MCF2L: variants seen among roughly 807,000 people sequenced by gnomAD.
MCF2L encodes MCF.2 cell line derived transforming sequence like, also known as guanine nucleotide exchange factor DBS.
In MCF2L, 97 loss-of-function variants were observed where a neutral mutation model predicts 153.4. The observed-to-expected ratio is 0.63, with a 90% CI of 0.54 to 0.75. The LOEUF is 0.75. MCF2L is among the 30% of genes least tolerant of loss of function. MCF2L has a pLI of 0.00. For missense variants in MCF2L, 1,347 were observed against 1,495.2 expected, an observed-to-expected ratio of 0.90 and a Z score of 1.64; for synonymous variants, 659 against 632.2, an observed-to-expected ratio of 1.04 and a Z score of -0.64.
At chr13:112,934,342 G>A (rs1372907442) in intron 2 of MCF2L, among the ~76,000 whole-genome samples, 1 of 152,254 alleles carries the variant, frequency 6.6e-6, no homozygotes, top group African/African-American at 2.4e-5. Flanking sequence ...CCTGAGCCAG[G>A]CATGTGGTCT....
chr13:113,096,329 C>A, intron 27 of MCF2L, 42 bp from the exon 28 acceptor site: 1 of 1,437,340 alleles, frequency 7.0e-7, no homozygotes, highest in Non-Finnish European at 9.6e-7. Context: ...GCTGCCGGGG[C>A]GGGTGCTGAC....
intron 18 of MCF2L, among the ~76,000 whole-genome samples, chr13:113,084,340 G>T (rs914742701): frequency 1.3e-5 from 2 of 150,410 alleles, no homozygotes; most frequent in African/African-American, 2.5e-5. Flanking sequence ...AGAACCTCCT[G>T]AACCCCAGAA....
At chr13:112,940,231 T>A (rs1049235148) in intron 2 of MCF2L, among the ~76,000 whole-genome samples, 2 of 152,230 alleles carry the variant, frequency 1.3e-5, no homozygotes, top group Non-Finnish European at 2.9e-5. Context: ...TTCATGTAAA[T>A]CTGTGTTTTA....
intron 2 of MCF2L, among the ~76,000 whole-genome samples, chr13:113,022,803 C>T (rs557620197): frequency 3.3e-4 from 51 of 152,388 alleles, no homozygotes; most frequent in Non-Finnish European, 5.9e-4. Flanking sequence ...GCTTGTCGTA[C>T]TCGCACAGGA....
chr13:112,937,424 G>C (rs1054072255), intron 2 of MCF2L, among the ~76,000 whole-genome samples: 5 of 152,132 alleles, frequency 3.3e-5, no homozygotes, highest in African/African-American at 1.2e-4. Flanking sequence ...TTAATATATT[G>C]TTTATAAGCC....
chr13:113,048,433 C>T (rs4907480), intron 4 of MCF2L, among the ~76,000 whole-genome samples: 64,741 of 144,700 alleles, frequency 0.45, 15,245 homozygotes, highest in South Asian at 0.56. Context: ...TAATAATTTA[C>T]GGTCTTTTTT....
chr13:113,003,030 G>A (rs1342862197), intron 1 of MCF2L, among the ~76,000 whole-genome samples: 1 of 151,478 alleles, frequency 6.6e-6, no homozygotes, highest in East Asian at 1.9e-4. Context: ...AAATTAATAG[G>A]CTGGGTGTGG....
intron 2 of MCF2L, chr13:112,957,386 G>A (rs374959940): frequency 4.6e-5 from 7 of 152,250 alleles, no homozygotes; most frequent in African/African-American, 1.7e-4. Flanking sequence ...TAGAGGCTTT[G>A]GACTTTTTGG....
At chr13:113,004,733 C>G (rs896492721) in intron 1 of MCF2L, among the ~76,000 whole-genome samples, 1 of 152,254 alleles carries the variant, frequency 6.6e-6, no homozygotes, top group Non-Finnish European at 1.5e-5. Flanking sequence ...CAGTGAGTGT[C>G]TTTCCTGTGG....
chr13:112,921,836 A>G (rs1410055125), intron 2 of MCF2L, among the ~76,000 whole-genome samples: 1 of 152,238 alleles, frequency 6.6e-6, no homozygotes, highest in Non-Finnish European at 1.5e-5. Flanking sequence ...CACACAACTT[A>G]GCAAATCTAT....
upstream of MCF2L, chr13:112,968,561 C>T: frequency 1.3e-6 from 2 of 1,544,480 alleles, no homozygotes; most frequent in Non-Finnish European, 1.7e-6. Context: ...AGGGGCTGGT[C>T]CATCCCCGGC....
intron 2 of MCF2L, among the ~76,000 whole-genome samples, chr13:112,915,425 A>AAAAAAAAAAAAAAAAAAAAAAAAAC (rs2081282349): frequency 6.7e-6 from 1 of 149,870 alleles, no homozygotes; most frequent in African/African-American, 2.5e-5. Flanking sequence ...AAAAAAAAAA[A>AAAAAAAAAAAAAAAAAAAAAAAAAC]TCCATCCTCA....
In MCF2L at chr13:113,046,508, G is replaced by T. The variant is rs1194426134; in HGVS notation, c.369+1147G>T. 3.8e-6 allele frequency: 2 copies of T among 529,024 alleles called. No homozygotes were observed. The highest frequency in any genetic ancestry group is 7.7e-6 in the Non-Finnish European group (2 of 258,320). 32.8% of individuals were successfully genotyped at this position (529,024 alleles called of 1,614,324 possible). ...CCTTTGGGTTCCCCAGCCTCTCGGT[G>T]GCTGCTGGCTGGTGCGCCAAGGTTT... is the stretch of plus-strand genomic sequence containing the variant. On this transcript the variant is annotated intron_variant, in intron 4 of 29. Coordinates refer to ENST00000535094, the MANE Select transcript of MCF2L (RefSeq NM_001112732.3). The surrounding 1 kb of genome is among the most constrained non-coding windows in gnomAD (Gnocchi z 4.4).
chr13:113,051,933 G>A (rs1341043524), intron 4 of MCF2L, among the ~76,000 whole-genome samples: 1 of 152,090 alleles, frequency 6.6e-6, no homozygotes, highest in Non-Finnish European at 1.5e-5. Flanking sequence ...GGGTGGGGCC[G>A]TCCTGACCCA....
intron 2 of MCF2L, among the ~76,000 whole-genome samples, chr13:112,929,668 G>T (rs1183893529): frequency 6.6e-6 from 1 of 152,162 alleles, no homozygotes; most frequent in Non-Finnish European, 1.5e-5. Flanking sequence ...GCCCCTTACC[G>T]CTGGCCACAG....
At chr13:113,033,139 C>T (rs369539187) in intron 3 of MCF2L, among the ~76,000 whole-genome samples, 114 of 85,918 alleles carry the variant, frequency 1.3e-3, no homozygotes, top group Admixed American at 1.5e-3. Flanking sequence ...GAGTGGCCCC[C>T]GTGACATTAG....
Position 113,085,894 on chromosome 13 carries a change from G to A in MCF2L, c.2248-230G>A, listed in dbSNP as rs1040713794. 5.3e-5 allele frequency among the ~76,000 whole-genome samples: 8 copies of A among 150,108 alleles called. 1 individual carries two copies. Among genetic ancestry groups the A allele is most frequent in the African/African-American group, 2.0e-4 (8 of 40,774 alleles). On this transcript the variant is annotated intron_variant, in intron 20 of 29. Coordinates refer to ENST00000535094, the MANE Select transcript of MCF2L (RefSeq NM_001112732.3). ...GCACCTGGCATCCGGGTGGCAGGAG[G>A]GAGCTCCCCGGGGAGCAGGTGCCAA...
At chr13:113,011,860 G>A (rs1384076341) in intron 1 of MCF2L, among the ~76,000 whole-genome samples, 6 of 94,494 alleles carry the variant, frequency 6.3e-5, no homozygotes, top group South Asian at 6.0e-4. Context: ...CGGTGTGGAC[G>A]GTGGACACTG....
intron 2 of MCF2L, among the ~76,000 whole-genome samples, chr13:112,918,318 G>A (rs973384635): frequency 3.9e-5 from 6 of 152,214 alleles, no homozygotes; most frequent in Non-Finnish European, 7.3e-5. Context: ...GGAACGTCAC[G>A]AGAACGTCAT....
Sources: gnomAD v4.1 joint callset for allele counts (sites outside exome capture counted in the v4.1 genomes callset) on GRCh38, gnomAD v4.1.1 for gene constraint, Gnocchi (gnomAD v3.1) non-coding constraint, MANE v1.5 for transcripts, NCBI Gene and HGNC (gene_info 2026-07-23, HGNC 2026-07-21) for gene names.